The following KALRN variants were observed in gnomAD, a reference collection of about 807,000 sequenced individuals.
KALRN encodes kalirin RhoGEF kinase, also known as kalirin.
Under a neutral mutation model 353.7 loss-of-function variants are expected in KALRN, and 70 were observed. The ratio of observed to expected loss-of-function variants is 0.20; its 90% CI spans 0.16 to 0.24. The LOEUF (loss-of-function observed/expected upper bound fraction) is 0.24. KALRN is among the 10% of genes least tolerant of loss of function. KALRN has a pLI of 1.00. For missense variants in KALRN, 2,791 were observed against 3,756.7 expected (o/e 0.74, Z 6.72); for synonymous variants, 1,391 against 1,434.8 (o/e 0.97, Z 0.69).
At chr3:124,374,727 C>T (rs1426301581) in intron 10 of KALRN, among the ~76,000 whole-genome samples, 1 of 152,226 alleles carries the variant, frequency 6.6e-6, no homozygotes, top group Non-Finnish European at 1.5e-5. Flanking sequence ...CTCTCTCTGA[C>T]ACCCACTCCC....
At chr3:124,230,839 C>CA (rs1164850044) in intron 2 of KALRN, among the ~76,000 whole-genome samples, 2 of 94,982 alleles carry the variant, frequency 2.1e-5, no homozygotes, top group Admixed American at 1.1e-4. Flanking sequence ...CAAAACAAAA[C>CA]AAAAAAACCC....
rs1375501756 is a variant in KALRN, at chr3:124,439,042, G to A, written c.3198+5G>A. ...CAAAAGGAGGCCTTTCTTAAGGTCA[G>A]AGCACATTGTCATGCAAGGGCTCAG... On this transcript the variant is annotated splice_donor_5th_base_variant and intron_variant, in intron 18 of 59. Coordinates refer to ENST00000682506, the MANE Select transcript of KALRN (RefSeq NM_001388419.1). 1 of 1,613,642 alleles carries A rather than the reference G, an allele frequency of 6.2e-7. No individual in the cohort carries two copies. The highest frequency in any genetic ancestry group is 8.5e-7 in the Non-Finnish European group (1 of 1,179,754).
At chr3:124,142,659 C>T (rs139850373) in intron 1 of KALRN, among the ~76,000 whole-genome samples, 1 of 152,096 alleles carries the variant, frequency 6.6e-6, no homozygotes, top group Non-Finnish European at 1.5e-5. Flanking sequence ...TGAGCGGCTC[C>T]GTGGGGAGAG....
intron 51 of KALRN, among the ~76,000 whole-genome samples, chr3:124,682,465 T>C (rs2061385090): frequency 6.6e-6 from 1 of 152,232 alleles, no homozygotes; most frequent in African/African-American, 2.4e-5. Context: ...GATCTCCAGA[T>C]GTTAAATCCT....
chr3:124,154,297 A>G (rs1013245396), intron 1 of KALRN, among the ~76,000 whole-genome samples: 13 of 152,342 alleles, frequency 8.5e-5, no homozygotes, highest in African/African-American at 1.9e-4. Flanking sequence ...AGGGTATTCA[A>G]TTACAAAAAC....
chr3:124,404,721 T>C (rs997090610), intron 13 of KALRN, among the ~76,000 whole-genome samples: 5 of 151,142 alleles, frequency 3.3e-5, no homozygotes, highest in Non-Finnish European at 7.4e-5. Context: ...TTATTATTAC[T>C]ATCAATGTTG....
At chr3:124,174,291 G>T (rs2072335441) in intron 1 of KALRN, among the ~76,000 whole-genome samples, 1 of 151,974 alleles carries the variant, frequency 6.6e-6, no homozygotes, top group Non-Finnish European at 1.5e-5. Flanking sequence ...AAAAATGCCT[G>T]GCCCTGGTGG....
chr3:124,434,949 G>T (rs909891971), intron 17 of KALRN, among the ~76,000 whole-genome samples: 2 of 152,188 alleles, frequency 1.3e-5, no homozygotes. Flanking sequence ...ACTAGGCTTC[G>T]AGCTGCAGAC....
At chr3:124,340,784 G>A (rs1306296572) in intron 9 of KALRN, among the ~76,000 whole-genome samples, 10 of 152,044 alleles carry the variant, frequency 6.6e-5, no homozygotes, top group East Asian at 1.9e-4. Context: ...GCAAAACCCC[G>A]TCTCTACTAA....
At chr3:124,490,645 G>C in intron 29 of KALRN, 49 bp from the exon 30 acceptor site, 2 of 1,562,080 alleles carry the variant, frequency 1.3e-6, no homozygotes, top group Non-Finnish European at 1.8e-6. Flanking sequence ...ATGGCCCCCT[G>C]ACTGTGGCAG....
At chr3:124,139,336 C>T (rs1341733222) in intron 1 of KALRN, among the ~76,000 whole-genome samples, 1 of 152,140 alleles carries the variant, frequency 6.6e-6, no homozygotes, top group African/African-American at 2.4e-5. Flanking sequence ...AGTGAAGCTT[C>T]CACAGAAACA....
In KALRN at chr3:124,490,895, C is replaced by A. The variant is rs201798215; in HGVS notation, c.4587+11C>A. 262 of 1,601,982 alleles carry A rather than the reference C, an allele frequency of 1.6e-4. No individual in the cohort carries two copies. Among genetic ancestry groups the A allele is most frequent in the Non-Finnish European group, 2.1e-4 (242 of 1,174,646 alleles). On this transcript the variant is annotated intron_variant, in intron 30 of 59. Transcript: ENST00000682506. The stretch of plus-strand genomic sequence containing the variant: ...AAGAACAAGCTACTGGTAGGTGGGG[C>A]AGGTGGGGTAAGACAAGACTCCCTG...
intron 37 of KALRN, among the ~76,000 whole-genome samples, chr3:124,638,848 G>A (rs2081672332): frequency 6.6e-6 from 1 of 152,168 alleles, no homozygotes; most frequent in Non-Finnish European, 1.5e-5. Flanking sequence ...ATGGTTTTGT[G>A]TGTGTTTTCT....
intron 1 of KALRN, among the ~76,000 whole-genome samples, chr3:124,185,825 T>A (rs1054316746): frequency 6.6e-6 from 1 of 151,996 alleles, no homozygotes; most frequent in African/African-American, 2.4e-5. Context: ...ACTGAGAGGG[T>A]GGTAGTGCCC....
At chr3:124,414,121 G>A (rs112074949) in intron 14 of KALRN, among the ~76,000 whole-genome samples, 15 of 152,102 alleles carry the variant, frequency 9.9e-5, no homozygotes, top group African/African-American at 3.4e-4. Context: ...AGAAACGGAA[G>A]CCATGAGAGC....
intron 1 of KALRN, among the ~76,000 whole-genome samples, chr3:124,097,957 ACTGT>A (rs753039857): frequency 1.3e-5 from 2 of 152,156 alleles, no homozygotes; most frequent in Non-Finnish European, 2.9e-5. Flanking sequence ...TATGGTGGGG[ACTGT>A]CTATCAAAAG....
At chr3:124,350,194 T>G (rs1273926871) in intron 10 of KALRN, among the ~76,000 whole-genome samples, 1 of 152,228 alleles carries the variant, frequency 6.6e-6, no homozygotes, top group Non-Finnish European at 1.5e-5. Flanking sequence ...CCCATGGCCA[T>G]CCCAGTCCCA....
intron 1 of KALRN, among the ~76,000 whole-genome samples, chr3:124,126,155 C>T (rs1247681842): frequency 6.6e-6 from 1 of 151,914 alleles, no homozygotes; most frequent in Non-Finnish European, 1.5e-5. Flanking sequence ...GAGAGATTTC[C>T]TTGCTTTTAC....
rs765505179 is a variant in KALRN, at chr3:124,334,626, C to G, written c.1647+131C>G. Reference sequence around the variant, plus strand: ...GGACATAATGAAATTCAGCTCTCAACTGCTCCACAGAACCCTACCAAAACA... The same window carrying G: ...GGACATAATGAAATTCAGCTCTCAAGTGCTCCACAGAACCCTACCAAAACA... On this transcript the variant is annotated intron_variant, in intron 9 of 59. Coordinates refer to ENST00000682506, the MANE Select transcript of KALRN (RefSeq NM_001388419.1). The surrounding 1 kb of genome is among the most constrained non-coding windows in gnomAD (Gnocchi z 4.2). The G allele has an allele frequency of 9.3e-6, 6 of 646,092 alleles. No individual in the cohort carries two copies. The highest frequency in any genetic ancestry group is 1.6e-5 in the Non-Finnish European group (6 of 366,268). 40.0% of individuals were successfully genotyped at this position (646,092 alleles called of 1,614,324 possible). A position where few individuals can be genotyped will look rare whatever the true frequency, so the allele number is the denominator to read the frequency against.
Sources: allele counts gnomAD v4.1 joint callset (sites outside exome capture counted in the v4.1 genomes callset), GRCh38; gene constraint gnomAD v4.1.1; non-coding constraint Gnocchi (gnomAD v3.1); transcripts MANE v1.5; gene names NCBI Gene and HGNC (gene_info 2026-07-23, HGNC 2026-07-21).